The following CFAP54 variants were observed in gnomAD, a reference collection of about 807,000 sequenced individuals.
CFAP54 encodes the protein cilia and flagella associated protein 54.
Under a neutral mutation model 370.4 loss-of-function variants are expected in CFAP54, and 290 were observed. The ratio of observed to expected loss-of-function variants is 0.78; its 90% CI spans 0.71 to 0.86. CFAP54 has a LOEUF of 0.86. CFAP54 is among the 40% of genes least tolerant of loss of function. The pLI is 0.00. For synonymous variants in CFAP54, 1,206 were observed against 1,236.5 expected (o/e 0.98, Z 0.52); for missense variants, 3,399 against 3,528.7 (o/e 0.96, Z 0.93).
intron 39 of CFAP54, among the ~76,000 whole-genome samples, chr12:96,667,994 G>T (rs1167450927): frequency 3.3e-5 from 5 of 152,158 alleles, no homozygotes; most frequent in Non-Finnish European, 7.3e-5. Flanking sequence ...TAGCAAGAGT[G>T]ACCTTTACTC....
chr12:96,826,728 TTATATAA>T (rs1592789978), intron 65 of CFAP54, among the ~76,000 whole-genome samples: 2 of 111,676 alleles, frequency 1.8e-5, no homozygotes, highest in Non-Finnish European at 3.3e-5. Context: ...ACAGAATATA[TTATATAA>T]TATATAATTC....
chr12:96,700,286 G>A (rs146789404), intron 46 of CFAP54, among the ~76,000 whole-genome samples, 193 bp downstream of exon 46: 10 of 152,216 alleles, frequency 6.6e-5, no homozygotes, highest in Admixed American at 1.3e-4. Context: ...CATGGGGGAG[G>A]GAGCATGGTT....
chr12:96,803,706 A>G (rs1958848104), intron 63 of CFAP54, among the ~76,000 whole-genome samples: 1 of 152,200 alleles, frequency 6.6e-6, no homozygotes, highest in Non-Finnish European at 1.5e-5. Context: ...AGCCTACTCA[A>G]CCAACAACAT....
chr12:96,784,213 C>G (rs1187218909), intron 60 of CFAP54, among the ~76,000 whole-genome samples: 2 of 152,112 alleles, frequency 1.3e-5, no homozygotes, highest in Admixed American at 6.6e-5. Flanking sequence ...GTGAATTGCT[C>G]TCACAAATAA....
intron 55 of CFAP54, among the ~76,000 whole-genome samples, chr12:96,749,257 A>G (rs9805041): frequency 0.86 from 131,013 of 152,246 alleles, 56,783 homozygotes; most frequent in African/African-American, 0.96. Flanking sequence ...AGGGGCAGAC[A>G]GGCTTTCTCA....
rs190529848 is a variant in CFAP54, at chr12:96,757,597, C to T, written c.8040+9C>T. On this transcript the variant is annotated intron_variant, in intron 58 of 67. Transcript: ENST00000524981. ...CACCATTAACACTTAAGGTAAGAGTCTATTTTATTAGAAATTATGAGTTAA... is the reference window on the plus strand; with the variant it reads ...CACCATTAACACTTAAGGTAAGAGTTTATTTTATTAGAAATTATGAGTTAA... The T allele has an allele frequency of 6.6e-7, 1 of 1,509,620 alleles. No homozygotes were observed. Among genetic ancestry groups the T allele is most frequent in the Admixed American group, 1.8e-5 (1 of 56,832 alleles). 93.5% of individuals were successfully genotyped at this position (1,509,620 alleles called of 1,614,324 possible). A position where few individuals can be genotyped will look rare whatever the true frequency, so the allele number is the denominator to read the frequency against.
chr12:96,650,436 T>C (rs1956846106), intron 35 of CFAP54, among the ~76,000 whole-genome samples: 1 of 152,162 alleles, frequency 6.6e-6, no homozygotes, highest in East Asian at 1.9e-4. Context: ...ACTTGATCTC[T>C]CTTGGGGGTA....
chr12:96,712,808 A>C (rs1424106415), intron 48 of CFAP54, among the ~76,000 whole-genome samples: 1 of 152,162 alleles, frequency 6.6e-6, no homozygotes, highest in Non-Finnish European at 1.5e-5. Flanking sequence ...ATTTCACTTA[A>C]TATATAATTA....
At chr12:96,802,608 A>G (rs981255599) in intron 63 of CFAP54, among the ~76,000 whole-genome samples, 16 of 152,140 alleles carry the variant, frequency 1.1e-4, no homozygotes, top group Admixed American at 8.5e-4. Context: ...CTGCCCACAC[A>G]TCTGGCCGAC....
At chr12:96,496,051 C>A (rs903203751) in intron 1 of CFAP54, among the ~76,000 whole-genome samples, 6 of 152,102 alleles carry the variant, frequency 3.9e-5, no homozygotes, top group Non-Finnish European at 4.4e-5. Flanking sequence ...AACAAAACAC[C>A]TCTCCCCTTT....
intron 39 of CFAP54, among the ~76,000 whole-genome samples, chr12:96,675,452 G>A (rs1269197943): frequency 1.3e-5 from 2 of 152,188 alleles, no homozygotes; most frequent in African/African-American, 4.8e-5. Context: ...GTGCTGGAGA[G>A]GATGTGGAGA....
In CFAP54 at chr12:96,658,360, A is replaced by G; in HGVS notation, c.5460+14A>G. 1 of 1,613,432 alleles carries G rather than the reference A, an allele frequency of 6.2e-7. No homozygotes were observed. Among genetic ancestry groups the G allele is most frequent in the Non-Finnish European group, 8.5e-7 (1 of 1,179,630 alleles). The stretch of plus-strand genomic sequence containing the variant: ...TATGGAGAGAAGGTAAGTTTAAGTT[A>G]GTTCTATTATTCATGCTGTTGTGAT... On this transcript the variant is annotated intron_variant, in intron 38 of 67. Transcript: ENST00000524981.
At chr12:96,588,692 A>C (rs1190514212) in intron 22 of CFAP54, among the ~76,000 whole-genome samples, 1 of 152,200 alleles carries the variant, frequency 6.6e-6, no homozygotes, top group African/African-American at 2.4e-5. Context: ...GTTTCCATAA[A>C]GGATTTGAAG....
intron 60 of CFAP54, among the ~76,000 whole-genome samples, chr12:96,768,073 C>A (rs995764919): frequency 1.3e-5 from 2 of 152,076 alleles, no homozygotes; most frequent in Non-Finnish European, 2.9e-5. Flanking sequence ...GTAATCCCAG[C>A]ACTTTGGGAG....
chr12:96,625,943 A>C lies in CFAP54; in HGVS notation c.3976+136A>C, dbSNP rs1313282301. 4.9e-6 allele frequency: 3 copies of C among 617,114 alleles called. No homozygotes were observed. The East Asian group carries it at 8.8e-5, about 18-fold the overall frequency. The allele number at this position is 617,114 out of a possible 1,614,324, so 38.2% of individuals were successfully genotyped here. On this transcript the variant is annotated intron_variant, in intron 29 of 67. Transcript: ENST00000524981. ...GAATATTTTGAATTCTTACCCACTC[A>C]GAATAATGCAGAATCCTGATTGCCA...
intron 4 of CFAP54, among the ~76,000 whole-genome samples, chr12:96,508,997 T>A (rs969578179): frequency 1.3e-5 from 2 of 152,210 alleles, no homozygotes; most frequent in Non-Finnish European, 2.9e-5. Context: ...TTTCAGTAAC[T>A]ACTCTTCCTG....
At chr12:96,637,792 A>C (rs950817407) in intron 32 of CFAP54, among the ~76,000 whole-genome samples, 1 of 152,246 alleles carries the variant, frequency 6.6e-6, no homozygotes, top group Non-Finnish European at 1.5e-5. Flanking sequence ...GTGTTGCATA[A>C]CATTTTGATC....
chr12:96,531,975 C>G (rs995945832), intron 9 of CFAP54, among the ~76,000 whole-genome samples: 1 of 152,238 alleles, frequency 6.6e-6, no homozygotes, highest in Non-Finnish European at 1.5e-5. Flanking sequence ...ATCTGCCTGC[C>G]TTGGCCTCCC....
chr12:96,621,875 G>GTTTGTTTGTTTTTTTTTTTTTTTT (rs1956496257), intron 27 of CFAP54, among the ~76,000 whole-genome samples, 154 bp downstream of exon 27: 1 of 50,022 alleles, frequency 2.0e-5, no homozygotes, highest in Non-Finnish European at 3.3e-5. Context: ...TTTTGGGTTT[G>GTTTGTTTGTTTTTTTTTTTTTTTT]TTTTTTTTTT....
Sources: allele counts gnomAD v4.1 joint callset (sites outside exome capture counted in the v4.1 genomes callset), GRCh38; gene constraint gnomAD v4.1.1; transcripts MANE v1.5; gene names NCBI Gene and HGNC (gene_info 2026-07-23, HGNC 2026-07-21).